ASIC2: variants seen among roughly 807,000 people sequenced by gnomAD.
The protein encoded by ASIC2 is acid sensing ion channel subunit 2, also known as acid-sensing ion channel 2.
A neutral mutation model predicts 57.3 loss-of-function variants in ASIC2; 25 were observed. That is an observed-to-expected ratio of 0.44 (90% CI 0.32 to 0.61). ASIC2 has a LOEUF of 0.61. ASIC2 is among the 20% of genes least tolerant of loss of function. ASIC2 has a pLI of 0.06. For missense variants in ASIC2, 641 were observed against 738.1 expected (o/e 0.87, Z 1.52); for synonymous variants, 319 against 307.5 (o/e 1.04, Z -0.39).
At chr17:33,047,034 G>A (rs1016941766) in intron 3 of ASIC2, among the ~76,000 whole-genome samples, 3 of 152,234 alleles carry the variant, frequency 2.0e-5, no homozygotes, top group East Asian at 1.9e-4. Context: ...ATCCCTCAGC[G>A]CCTGAGATGG....
intron 1 of ASIC2, among the ~76,000 whole-genome samples, chr17:33,494,603 G>A (rs1008570959): frequency 2.0e-5 from 3 of 152,174 alleles, no homozygotes; most frequent in Non-Finnish European, 4.4e-5. Context: ...CCTCACGGCT[G>A]GGAAGCAGCA....
chr17:33,798,092 C>T (rs796985003), intron 1 of ASIC2, among the ~76,000 whole-genome samples: 11 of 151,702 alleles, frequency 7.3e-5, no homozygotes, highest in East Asian at 1.9e-4. Context: ...TCATCAGTGC[C>T]GGAGGGAAGA....
chr17:33,398,366 T>C (rs555177848), intron 1 of ASIC2, among the ~76,000 whole-genome samples: 1 of 152,144 alleles, frequency 6.6e-6, no homozygotes, highest in African/African-American at 2.4e-5. Flanking sequence ...GAAGCCACCC[T>C]GGATAAAGGG....
At chr17:33,490,823 C>T (rs985121290) in intron 1 of ASIC2, among the ~76,000 whole-genome samples, 9 of 152,156 alleles carry the variant, frequency 5.9e-5, no homozygotes, top group African/African-American at 1.9e-4. Flanking sequence ...AAAATTTCCA[C>T]ATGGAGTCTT....
At chr17:33,864,391 G>C (rs564685807) in intron 1 of ASIC2, among the ~76,000 whole-genome samples, 2 of 152,284 alleles carry the variant, frequency 1.3e-5, no homozygotes, top group South Asian at 4.1e-4. Flanking sequence ...CTAACATGTG[G>C]GAAATGCTAG....
rs183080203 is a variant in ASIC2 at position 33,773,546 on chromosome 17, C to A, written c.555+382432G>T. On this transcript the variant is annotated intron_variant, in intron 1 of 9. Coordinates refer to the ASIC2 transcript ENST00000359872. The stretch of plus-strand genomic sequence containing the variant: ...ACTTCTCTAATTCTAGTCATTTTCT[C>A]TCTGTGGAATTGTACCACACTGAGA... Among the ~76,000 whole-genome samples the A allele has an allele frequency of 3.3e-5, 5 of 152,198 alleles. No homozygotes were observed. In the East Asian group the frequency reaches 9.6e-4, roughly 29 times the overall value.
chr17:33,879,934 A>T (rs1432847098), intron 1 of ASIC2, among the ~76,000 whole-genome samples: 1 of 152,192 alleles, frequency 6.6e-6, no homozygotes, highest in Non-Finnish European at 1.5e-5. Context: ...TCAAACTAGA[A>T]CTCAGGATTA....
chr17:34,153,731 T>C (rs1364167821), intron 1 of ASIC2, among the ~76,000 whole-genome samples: 3 of 152,078 alleles, frequency 2.0e-5, no homozygotes, highest in African/African-American at 7.2e-5. Context: ...TTTTCAATGA[T>C]GGGGAAGGTC....
intron 1 of ASIC2, among the ~76,000 whole-genome samples, chr17:33,144,045 A>G (rs1335292171): frequency 1.3e-5 from 2 of 152,134 alleles, no homozygotes; most frequent in East Asian, 3.9e-4. Context: ...CCCCCTGGGC[A>G]ATAGTCATAT....
At chr17:34,089,323 A>G (rs969483113) in intron 1 of ASIC2, among the ~76,000 whole-genome samples, 6 of 152,138 alleles carry the variant, frequency 3.9e-5, no homozygotes, top group African/African-American at 1.5e-4. Context: ...ACATATGCAC[A>G]TGCCAAATGG....
At chr17:33,057,555 C>T (rs368932422) in intron 3 of ASIC2, among the ~76,000 whole-genome samples, 1 of 152,196 alleles carries the variant, frequency 6.6e-6, no homozygotes, top group Non-Finnish European at 1.5e-5. Context: ...TTTGTTGTGA[C>T]GACTGACTAC....
chr17:33,655,834 AT>A (rs1379091747), intron 1 of ASIC2, among the ~76,000 whole-genome samples: 1 of 152,202 alleles, frequency 6.6e-6, no homozygotes, highest in Non-Finnish European at 1.5e-5. Context: ...AAAAATCTTA[AT>A]GAGTTCTCTA....
At chr17:33,269,683 C>CTTCCTTCTTTCCTTTTT (rs1567805276) in intron 1 of ASIC2, among the ~76,000 whole-genome samples, 2 of 64,206 alleles carry the variant, frequency 3.1e-5, no homozygotes, top group African/African-American at 5.2e-5. Context: ...TCCCTCCCTC[C>CTTCCTTCTTTCCTTTTT]CTCCTGCCTG....
chr17:33,580,464 G>A (rs563206862), intron 1 of ASIC2, among the ~76,000 whole-genome samples: 1 of 152,316 alleles, frequency 6.6e-6, no homozygotes, highest in African/African-American at 2.4e-5. Flanking sequence ...TGCAAATGAT[G>A]TTACTTGTAG....
intron 1 of ASIC2, among the ~76,000 whole-genome samples, chr17:33,648,783 A>G (rs1336313188): frequency 6.6e-6 from 1 of 152,246 alleles, no homozygotes; most frequent in Non-Finnish European, 1.5e-5. Context: ...TTCAACTCAC[A>G]TGTACAATTT....
At chr17:33,508,496 C>T (rs1914330384) in intron 1 of ASIC2, among the ~76,000 whole-genome samples, 2 of 152,132 alleles carry the variant, frequency 1.3e-5, no homozygotes, top group South Asian at 4.2e-4. Context: ...AGGGTGGTGG[C>T]CATCCCAGGG....
chr17:33,235,323 C>G (rs1380961056), intron 1 of ASIC2, among the ~76,000 whole-genome samples: 1 of 152,168 alleles, frequency 6.6e-6, no homozygotes, highest in Non-Finnish European at 1.5e-5. Context: ...GGCCTCCCTC[C>G]CTGTGGGGCT....
intron 1 of ASIC2, among the ~76,000 whole-genome samples, chr17:33,365,273 G>A (rs971449389): frequency 2.6e-5 from 4 of 152,042 alleles, no homozygotes; most frequent in East Asian, 3.9e-4. Context: ...GTGCTCCCTC[G>A]GCACCTGGTA....
intron 1 of ASIC2, among the ~76,000 whole-genome samples, chr17:33,455,979 C>T (rs1373102270): frequency 6.6e-6 from 1 of 152,062 alleles, no homozygotes; most frequent in Non-Finnish European, 1.5e-5. Flanking sequence ...AGGTGAGGTG[C>T]CCCACCCAGA....
Sources: gnomAD v4.1 joint callset for allele counts (sites outside exome capture counted in the v4.1 genomes callset) on GRCh38, gnomAD v4.1.1 for gene constraint, MANE v1.5 for transcripts, NCBI Gene and HGNC (gene_info 2026-07-23, HGNC 2026-07-21) for gene names.